Variants in DPH7 observed in about 807,000 individuals in gnomAD.
DPH7 encodes diphthamide biosynthesis 7.
In DPH7, 44 loss-of-function variants were observed where a neutral mutation model predicts 41.7. The ratio of observed to expected loss-of-function variants is 1.05; its 90% CI spans 0.83 to 1.36. The LOEUF is 1.36. DPH7 is among the 40% of genes most tolerant of loss of function. DPH7 has a pLI of 0.00. For synonymous variants in DPH7, 275 were observed against 238.0 expected, an observed-to-expected ratio of 1.16 and a Z score of -1.43; for missense variants, 629 against 577.5, an observed-to-expected ratio of 1.09 and a Z score of -0.91.
chr9:137,568,938 C>G (rs936806991), intron 5 of DPH7, among the ~76,000 whole-genome samples: 1 of 152,090 alleles, frequency 6.6e-6, no homozygotes, highest in African/African-American at 2.4e-5. Flanking sequence ...AAACTGCACA[C>G]AGGAGGCAGC....
At chr9:137,573,808 C>CTGTAA (rs1350076994) in intron 5 of DPH7, among the ~76,000 whole-genome samples, 1 of 151,926 alleles carries the variant, frequency 6.6e-6, no homozygotes, top group Non-Finnish European at 1.5e-5. Flanking sequence ...TGGCTCACAC[C>CTGTAA]TGTAATCCCA....
chr9:137,565,041 C>CG, intron 6 of DPH7, 44 bp downstream of exon 6: 1 of 1,613,026 alleles, frequency 6.2e-7, no homozygotes, highest in Non-Finnish European at 8.5e-7. Context: ...CCAGGGAACG[C>CG]GGGGGCTGGT....
At chr9:137,562,287 C>T (rs1345127431) in intron 8 of DPH7, among the ~76,000 whole-genome samples, 2 of 152,156 alleles carry the variant, frequency 1.3e-5, no homozygotes, top group African/African-American at 2.4e-5. Context: ...GCAGAACACA[C>T]GTCCGCAAGT....
rs777516635 is a variant in DPH7 at position 137,554,773 on chromosome 9, G to GT, written c.*465dup. 22 of 154,046 alleles carry GT rather than the reference G, an allele frequency of 1.4e-4. No homozygotes were observed. The highest frequency in any genetic ancestry group is 2.6e-4 in the Non-Finnish European group (18 of 69,454). The allele number at this position is 154,046 out of a possible 1,614,324, so 9.5% of individuals were successfully genotyped here. A position where few individuals can be genotyped will look rare whatever the true frequency, so the allele number is the denominator to read the frequency against. On this transcript the variant is annotated 3_prime_UTR_variant, in exon 9 of 9. Transcript: ENST00000277540. The stretch of plus-strand genomic sequence containing the variant: ...ATAATATATGCAACCCGTCACATGA[G>GT]TTCAGCTGCGGGATTTTCCAAAAGT...
At chr9:137,558,764 G>T (rs1018963520) in intron 8 of DPH7, among the ~76,000 whole-genome samples, 4 of 152,124 alleles carry the variant, frequency 2.6e-5, no homozygotes, top group African/African-American at 9.7e-5. Context: ...TTGAGACGGA[G>T]TGTCACTGTC....
Position 137,578,690 on chromosome 9 carries a change from G to C in DPH7, c.88C>G (p.Leu30Val). 8.5e-6 allele frequency: 13 copies of C among 1,530,186 alleles called. No individual in the cohort carries two copies. The highest frequency in any genetic ancestry group is 1.1e-5 in the Non-Finnish European group (12 of 1,139,714). The allele number at this position is 1,530,186 out of a possible 1,614,324, so 94.8% of individuals were successfully genotyped here. A position where few individuals can be genotyped will look rare whatever the true frequency, so the allele number is the denominator to read the frequency against. Reference protein sequence around the residue: ...EWCPLQGCRHLLACGTYQLRR... With the variant: ...EWCPLQGCRHVLACGTYQLRR... ...AGCTGGTAGGTCCCGCACGCCAGCA[G>C]GTGCCTGCAGCCTTGCAGCGGGCAC... The change falls in exon 1 of 9, where the codon CTG (leucine) becomes GTG (valine). Residue 30 changes from leucine (L) to valine (V), a missense_variant. Coordinates refer to ENST00000277540, the MANE Select transcript of DPH7 (RefSeq NM_138778.5).
At chr9:137,564,197 C>G (rs1839130762) in intron 8 of DPH7, among the ~76,000 whole-genome samples, 1 of 152,176 alleles carries the variant, frequency 6.6e-6, no homozygotes, top group South Asian at 2.1e-4. Flanking sequence ...GCAGGAGGCA[C>G]CGGAATGACG....
At position 137,554,596 on chromosome 9, in the gene DPH7, C is replaced by G. The variant is rs570550822; in HGVS notation, c.*643G>C. Among the ~76,000 whole-genome samples the G allele has an allele frequency of 1.8e-4, 28 of 152,100 alleles. No individual in the cohort carries two copies. The highest frequency in any genetic ancestry group is 6.5e-4 in the African/African-American group (27 of 41,496). On this transcript the variant is annotated 3_prime_UTR_variant, in exon 9 of 9. Coordinates refer to ENST00000277540, the MANE Select transcript of DPH7 (RefSeq NM_138778.5). ...GGGACCATAGGCACATGCACCACAC[C>G]TGGCTAATTTTTGTTTTACTTTTTA... is the stretch of plus-strand genomic sequence containing the variant.
rs1840208601 is a variant in DPH7, at chr9:137,570,226, C to T, written c.640+3982G>A. On this transcript the variant is annotated intron_variant, in intron 5 of 8. Transcript: ENST00000277540. ...ACGGATACACAGTGAACATGACCTA[C>T]AGTTAAATGAACCAGCGGAATCAGC... Among the ~76,000 whole-genome samples, 5 of 149,782 alleles carry T rather than the reference C, an allele frequency of 3.3e-5. No homozygotes were observed. In the South Asian group the frequency reaches 1.1e-3, roughly 33 times the overall value.
Position 137,577,486 on chromosome 9 carries a change from T to C in DPH7, c.271A>G (p.Ile91Val), listed in dbSNP as rs149840955. ...VEVQRKDTSA[I>V]LDMKWCHIPV... The stretch of plus-strand genomic sequence containing the variant: ...CAGTTATACCATTTCATGTCCAGGA[T>C]TGCAGAAGTATCTTTTCTTTGGACC... Residue 91 changes from isoleucine to valine, a missense_variant, in exon 2 of 9, where the codon ATC (isoleucine) becomes GTC (valine). By Grantham distance (29) the Ile-to-Val change is conservative. Coordinates refer to ENST00000277540, the MANE Select transcript of DPH7 (RefSeq NM_138778.5). The C allele has an allele frequency of 5.6e-6, 9 of 1,613,968 alleles. No individual in the cohort carries two copies. Among genetic ancestry groups the C allele is most frequent in the African/African-American group, 5.3e-5 (4 of 74,944 alleles).
intron 8 of DPH7, among the ~76,000 whole-genome samples, chr9:137,562,189 G>C (rs1838744549): frequency 6.6e-6 from 1 of 152,074 alleles, no homozygotes; most frequent in African/African-American, 2.4e-5. Flanking sequence ...ATATTGCCCA[G>C]ACAGGAGATT....
chr9:137,574,517 T>C, intron 4 of DPH7, 137 bp from the exon 5 acceptor site: 1 of 939,306 alleles, frequency 1.1e-6, no homozygotes, highest in Non-Finnish European at 1.6e-6. Context: ...GCGGCTAAGA[T>C]CACAACCACT....
intron 5 of DPH7, among the ~76,000 whole-genome samples, chr9:137,573,939 G>A (rs1350465928): frequency 6.6e-6 from 1 of 151,972 alleles, no homozygotes; most frequent in South Asian, 2.1e-4. Context: ...GGTGGCAGGC[G>A]CCTGTAATCC....
chr9:137,572,859 G>C (rs992197756), intron 5 of DPH7, among the ~76,000 whole-genome samples: 1 of 152,192 alleles, frequency 6.6e-6, no homozygotes, highest in African/African-American at 2.4e-5. Context: ...AGACAAACTT[G>C]AAATCCAACA....
Position 137,565,108 on chromosome 9 carries a change from G to C in DPH7, c.687C>G (p.Gly229=), listed in dbSNP as rs2133001767. ...LLRGWDTRVP[G]KFLFTSKRHT... ...ACCTTTTGCTGGTGAAGAGAAATTT[G>C]CCGGGTACCCTGGTGTCCCAGCCCC... Residue 229 remains glycine, a synonymous_variant, in exon 6 of 9, where the codon GGC becomes GGG. Transcript: ENST00000277540. The C allele has an allele frequency of 6.2e-7, 1 of 1,614,032 alleles. No homozygotes were observed. The highest frequency in any genetic ancestry group is 8.5e-7 in the Non-Finnish European group (1 of 1,180,012).
At chr9:137,577,360 A>G in intron 2 of DPH7, 110 bp downstream of exon 2, 1 of 1,158,688 alleles carries the variant, frequency 8.6e-7, no homozygotes, top group East Asian at 2.4e-5. Context: ...CAAAGAAACA[A>G]ATCCAAAGTT....
intron 8 of DPH7, among the ~76,000 whole-genome samples, chr9:137,560,651 A>C (rs34708828): frequency 1.3e-5 from 2 of 152,008 alleles, no homozygotes; most frequent in African/African-American, 4.8e-5. Flanking sequence ...TCAGGAGATC[A>C]AGACCATCCT....
At chr9:137,564,264 A>G (rs1419342970) in intron 8 of DPH7, among the ~76,000 whole-genome samples, 170 bp downstream of exon 8, 1 of 152,240 alleles carries the variant, frequency 6.6e-6, no homozygotes, top group Non-Finnish European at 1.5e-5. Flanking sequence ...GAGCTGGGAC[A>G]GTTATGGATC....
Position 137,578,863 on chromosome 9 carries a change from G to C in DPH7, c.-86C>G. 7.7e-6 allele frequency: 10 copies of C among 1,297,392 alleles called. No individual in the cohort carries two copies. The highest frequency in any genetic ancestry group is 9.9e-6 in the Non-Finnish European group (10 of 1,013,524). 80.4% of individuals were successfully genotyped at this position (1,297,392 alleles called of 1,614,324 possible). Reference sequence around the variant, plus strand: ...GTACTGCGCGGGGCGGCGAGGCCGGGGCCGGCCGGACGAGCGCAGAGCCCC... The same window carrying C: ...GTACTGCGCGGGGCGGCGAGGCCGGCGCCGGCCGGACGAGCGCAGAGCCCC... On this transcript the variant is annotated 5_prime_UTR_variant, in exon 1 of 9. Coordinates refer to ENST00000277540, the MANE Select transcript of DPH7 (RefSeq NM_138778.5).
Sources: gnomAD v4.1 joint callset for allele counts (sites outside exome capture counted in the v4.1 genomes callset) on GRCh38, gnomAD v4.1.1 for gene constraint, MANE v1.5 for transcripts, NCBI Gene and HGNC (gene_info 2026-07-23, HGNC 2026-07-21) for gene names.